The following LMX1A variants were observed in gnomAD, a reference collection of about 807,000 sequenced individuals.
LMX1A encodes the protein LIM homeobox transcription factor 1 alpha, also known as LIM homeobox transcription factor 1-alpha.
In LMX1A, 15 loss-of-function variants were observed where a neutral mutation model predicts 49.1. The observed-to-expected ratio is 0.31, with a 90% CI of 0.20 to 0.47. The LOEUF is 0.47. Ranked by LOEUF, LMX1A falls within the 20% of genes least tolerant of loss-of-function variation. The probability of loss-of-function intolerance (pLI) is 1.00; values close to 1 mark genes in which losing one functional copy is unlikely to be tolerated. For missense variants in LMX1A, 372 were observed against 475.8 expected (o/e 0.78, Z 2.03); for synonymous variants, 167 against 185.7 (o/e 0.90, Z 0.82).
chr1:165,244,196 G>A (rs929075959), intron 4 of LMX1A, among the ~76,000 whole-genome samples: 18 of 152,334 alleles, frequency 1.2e-4, no homozygotes, highest in African/African-American at 4.1e-4. Context: ...TGGAAGCTCT[G>A]CACCCCTTCC....
chr1:165,285,352 A>G (rs1654274566), intron 3 of LMX1A, among the ~76,000 whole-genome samples: 1 of 152,218 alleles, frequency 6.6e-6, no homozygotes, highest in Non-Finnish European at 1.5e-5. Context: ...CTGTGTTTGA[A>G]AATCCTTCCA....
chr1:165,346,824 T>C (rs1360944299), intron 3 of LMX1A, among the ~76,000 whole-genome samples: 1 of 152,218 alleles, frequency 6.6e-6, no homozygotes, highest in Non-Finnish European at 1.5e-5. Context: ...ACCTCCTTTT[T>C]AGCCGATATA....
At chr1:165,354,103 C>A (rs776536526) in intron 2 of LMX1A, among the ~76,000 whole-genome samples, 3 of 152,130 alleles carry the variant, frequency 2.0e-5, no homozygotes, top group Non-Finnish European at 4.4e-5. Context: ...GTTCAGGTGG[C>A]GACGCTTGGC....
At chr1:165,204,381 AG>A (rs1650981638) in intron 8 of LMX1A, among the ~76,000 whole-genome samples, 1 of 152,216 alleles carries the variant, frequency 6.6e-6, no homozygotes, top group Non-Finnish European at 1.5e-5. Context: ...TGCTTGAAGG[AG>A]GGATGGTAAA....
chr1:165,250,608 A>G (rs958775532), intron 3 of LMX1A, among the ~76,000 whole-genome samples: 1 of 152,220 alleles, frequency 6.6e-6, no homozygotes, highest in East Asian at 1.9e-4. Context: ...TTTCAACACA[A>G]CAGTTAGACT....
In LMX1A at chr1:165,203,883, A is replaced by G. The variant is rs774153981; in HGVS notation, c.1146T>C (p.Ser382=). 3 of 1,613,968 alleles carry G rather than the reference A, an allele frequency of 1.9e-6. No homozygotes were observed. In the South Asian group the frequency reaches 3.3e-5, roughly 18 times the overall value. The change falls in exon 9 of 9, where the codon TCT becomes TCC. Residue 382 remains serine, a synonymous_variant. Transcript: ENST00000342310. The part of the protein sequence containing the change: ...LYSMQNSYFT[S] The stretch of plus-strand genomic sequence containing the variant: ...TCACAGAACTCTAGGGGAAGACTCA[A>G]GATGTGAAGTAAGAATTCTGCATGG...
chr1:165,228,954 A>G (rs1015468025), intron 4 of LMX1A, among the ~76,000 whole-genome samples: 24 of 152,314 alleles, frequency 1.6e-4, no homozygotes, highest in Non-Finnish European at 2.8e-4. Context: ...TGTGTCATAT[A>G]TAGACCAAAC....
In LMX1A at chr1:165,348,735, A is replaced by T. The variant is rs915778272; in HGVS notation, c.263+4341T>A. Among the ~76,000 whole-genome samples, 13 of 152,226 alleles carry T rather than the reference A, an allele frequency of 8.5e-5. No individual in the cohort carries two copies. The East Asian group carries it at 2.3e-3, about 27-fold the overall frequency. On this transcript the variant is annotated intron_variant, in intron 3 of 8. Transcript: ENST00000342310. ...CAAACTGACTCCTCCTCACACACAC[A>T]CACTTCCTCCACTACCTTGATAAAA...
chr1:165,267,757 C>T (rs1462109254), intron 3 of LMX1A, among the ~76,000 whole-genome samples: 4 of 152,102 alleles, frequency 2.6e-5, no homozygotes, highest in African/African-American at 9.7e-5. Flanking sequence ...ATGAAACCCA[C>T]CGAAGGTTAC....
chr1:165,205,567 C>T (rs529017696), intron 8 of LMX1A, among the ~76,000 whole-genome samples: 93 of 152,264 alleles, frequency 6.1e-4, no homozygotes, highest in South Asian at 3.9e-3. Flanking sequence ...TGGCATGAAG[C>T]GCAAGACTTG....
At chr1:165,263,634 A>T (rs1490303521) in intron 3 of LMX1A, among the ~76,000 whole-genome samples, 1 of 152,224 alleles carries the variant, frequency 6.6e-6, no homozygotes, top group Admixed American at 6.5e-5. Context: ...GTCACCTGCT[A>T]TGCTGATCTT....
At chr1:165,219,362 C>T (rs1308550425) in intron 4 of LMX1A, among the ~76,000 whole-genome samples, 1 of 152,078 alleles carries the variant, frequency 6.6e-6, no homozygotes, top group Admixed American at 6.5e-5. Flanking sequence ...AGGAATGGGC[C>T]TCAGATGCTT....
chr1:165,310,198 G>C (rs950219744), intron 3 of LMX1A, among the ~76,000 whole-genome samples: 1 of 152,248 alleles, frequency 6.6e-6, no homozygotes, highest in African/African-American at 2.4e-5. Flanking sequence ...GCTCTATGCA[G>C]TATGAATTTG....
At chr1:165,224,056 G>T (rs779878108) in intron 4 of LMX1A, among the ~76,000 whole-genome samples, 7 of 152,188 alleles carry the variant, frequency 4.6e-5, no homozygotes, top group Non-Finnish European at 7.3e-5. Context: ...GATCATGGGG[G>T]CAGTTTCTCA....
chr1:165,342,132 C>T (rs1043748159), intron 3 of LMX1A, among the ~76,000 whole-genome samples: 2 of 152,194 alleles, frequency 1.3e-5, no homozygotes, highest in African/African-American at 4.8e-5. Flanking sequence ...ACTCAGTTTC[C>T]TTAAAAACTG....
intron 4 of LMX1A, among the ~76,000 whole-genome samples, chr1:165,244,581 G>A (rs760928939): frequency 3.9e-4 from 59 of 152,204 alleles, no homozygotes; most frequent in Non-Finnish European, 7.1e-4. Flanking sequence ...CACAGCTGGT[G>A]TCAGAAGTGT....
intron 3 of LMX1A, among the ~76,000 whole-genome samples, chr1:165,347,675 C>T (rs1470271535): frequency 6.6e-6 from 1 of 152,224 alleles, no homozygotes; most frequent in African/African-American, 2.4e-5. Context: ...CTTCATAATT[C>T]ATTTTCCAGT....
At chr1:165,234,701 C>T (rs1198913281) in intron 4 of LMX1A, among the ~76,000 whole-genome samples, 1 of 152,040 alleles carries the variant, frequency 6.6e-6, no homozygotes, top group African/African-American at 2.4e-5. Flanking sequence ...AGGTCTTCAC[C>T]GCCAAGGCCA....
intron 3 of LMX1A, among the ~76,000 whole-genome samples, chr1:165,334,448 A>C (rs150110090): frequency 6.6e-6 from 1 of 152,292 alleles, no homozygotes; most frequent in East Asian, 1.9e-4. Flanking sequence ...CATTCCTTTG[A>C]GGTTGGTAAT....
Sources: allele counts gnomAD v4.1 joint callset (sites outside exome capture counted in the v4.1 genomes callset), GRCh38; gene constraint gnomAD v4.1.1; transcripts MANE v1.5; gene names NCBI Gene and HGNC (gene_info 2026-07-23, HGNC 2026-07-21).